The following BMPR1B variants were observed in gnomAD, a reference collection of about 807,000 sequenced individuals.
BMPR1B encodes the protein bone morphogenetic protein receptor type 1B.
Under a neutral mutation model 59.1 loss-of-function variants are expected in BMPR1B, and 12 were observed. That is an observed-to-expected ratio of 0.20 (90% CI 0.13 to 0.33). BMPR1B has a LOEUF of 0.33. BMPR1B is among the 10% of genes least tolerant of loss of function. BMPR1B has a pLI of 1.00. For synonymous variants in BMPR1B, 237 were observed against 207.3 expected, an observed-to-expected ratio of 1.14 and a Z score of -1.23; for missense variants, 550 against 610.9, an observed-to-expected ratio of 0.90 and a Z score of 1.05.
At chr4:95,141,938 A>G (rs1734259204) in intron 10 of BMPR1B, among the ~76,000 whole-genome samples, 1 of 152,134 alleles carries the variant, frequency 6.6e-6, no homozygotes, top group African/African-American at 2.4e-5. Context: ...TGCTGATATG[A>G]TTCTTTTTAG....
chr4:94,972,157 A>G (rs530819199), intron 2 of BMPR1B, among the ~76,000 whole-genome samples: 47 of 151,726 alleles, frequency 3.1e-4, no homozygotes, highest in Non-Finnish European at 5.9e-4. Context: ...GTAAAGGAAA[A>G]CTATAATCAA....
chr4:94,950,930 A>G (rs1729908950), intron 2 of BMPR1B, among the ~76,000 whole-genome samples: 2 of 152,102 alleles, frequency 1.3e-5, no homozygotes, highest in South Asian at 4.1e-4. Context: ...ATGTTTTTCC[A>G]TTTGTTTGTG....
intron 3 of BMPR1B, among the ~76,000 whole-genome samples, chr4:94,999,498 A>G (rs2149107310): frequency 6.6e-6 from 1 of 152,136 alleles, no homozygotes; most frequent in South Asian, 2.1e-4. Context: ...TATTTGGGTA[A>G]CAAGAGTCAA....
At chr4:94,769,207 C>T (rs1319251719) in intron 1 of BMPR1B, among the ~76,000 whole-genome samples, 1 of 152,166 alleles carries the variant, frequency 6.6e-6, no homozygotes, top group African/African-American at 2.4e-5. Flanking sequence ...TAATGTCTTT[C>T]TTACAAATGG....
chr4:95,049,444 T>G (rs1726289127), intron 3 of BMPR1B, among the ~76,000 whole-genome samples: 2 of 49,654 alleles, frequency 4.0e-5, no homozygotes, highest in African/African-American at 6.2e-5. Context: ...TTTTTTTTTT[T>G]TTTTTTTTTT....
chr4:95,039,207 T>G (rs899724388), intron 3 of BMPR1B, among the ~76,000 whole-genome samples: 2 of 152,206 alleles, frequency 1.3e-5, no homozygotes, highest in African/African-American at 4.8e-5. Context: ...TCACTAAAGT[T>G]CGTCCTCTTT....
At chr4:94,767,560 T>C (rs1248318191) in intron 1 of BMPR1B, among the ~76,000 whole-genome samples, 1 of 152,176 alleles carries the variant, frequency 6.6e-6, no homozygotes, top group Admixed American at 6.5e-5. Flanking sequence ...ATCACTCCTT[T>C]AAATACTTAT....
In BMPR1B at chr4:94,930,783, A is replaced by G. The variant is rs142348121; in HGVS notation, c.-113+54883A>G. 9.8e-5 allele frequency among the ~76,000 whole-genome samples: 15 copies of G among 152,300 alleles called. No individual in the cohort carries two copies. The East Asian group carries it at 2.3e-3, about 24-fold the overall frequency. On this transcript the variant is annotated intron_variant, in intron 2 of 12. Coordinates refer to ENST00000515059, the MANE Select transcript of BMPR1B (RefSeq NM_001203.3). Reference sequence around the variant, plus strand: ...AATTAAATGTTTATCTCAAGTGACTATCTCTTGAAGATATATCATAGAAAT... The same window carrying G: ...AATTAAATGTTTATCTCAAGTGACTGTCTCTTGAAGATATATCATAGAAAT...
intron 2 of BMPR1B, among the ~76,000 whole-genome samples, chr4:94,890,487 T>C (rs1727347193): frequency 6.6e-6 from 1 of 152,132 alleles, no homozygotes; most frequent in Admixed American, 6.6e-5. Context: ...GTAAATTACA[T>C]GAGTGTAATT....
intron 1 of BMPR1B, among the ~76,000 whole-genome samples, chr4:94,813,321 G>C (rs1386510427): frequency 6.6e-6 from 1 of 152,182 alleles, no homozygotes. Context: ...AAAAAATCGA[G>C]AACGGCCACT....
intron 3 of BMPR1B, 178 bp from the exon 4 acceptor site, chr4:95,104,230 G>A (rs1267820517): frequency 1.5e-6 from 1 of 671,926 alleles, no homozygotes; most frequent in African/African-American, 1.8e-5. Flanking sequence ...TCTGTATGAG[G>A]TGTATACTAG....
intron 2 of BMPR1B, among the ~76,000 whole-genome samples, chr4:94,949,175 C>T (rs1729832883): frequency 6.6e-6 from 1 of 152,094 alleles, no homozygotes; most frequent in Non-Finnish European, 1.5e-5. Flanking sequence ...TCCCTGTGCC[C>T]ATATGTTCTC....
At chr4:95,057,182 G>A (rs1221438753) in intron 3 of BMPR1B, among the ~76,000 whole-genome samples, 1 of 152,066 alleles carries the variant, frequency 6.6e-6, no homozygotes, top group Non-Finnish European at 1.5e-5. Flanking sequence ...GACTCAAAAT[G>A]GTGGCTGCAG....
chr4:94,973,740 C>T (rs1044371067), intron 2 of BMPR1B, among the ~76,000 whole-genome samples: 2 of 152,138 alleles, frequency 1.3e-5, no homozygotes, highest in African/African-American at 4.8e-5. Flanking sequence ...AATTTCTCTG[C>T]CTCCGTCCCT....
At chr4:95,000,236 A>G (rs1040996856) in intron 3 of BMPR1B, among the ~76,000 whole-genome samples, 2 of 32,410 alleles carry the variant, frequency 6.2e-5, no homozygotes, top group African/African-American at 2.1e-4. Flanking sequence ...TGTTTGTTTA[A>G]CCTTGAATTG....
intron 6 of BMPR1B, among the ~76,000 whole-genome samples, chr4:95,118,462 G>A (rs1202794389): frequency 6.6e-6 from 1 of 152,044 alleles, no homozygotes; most frequent in Non-Finnish European, 1.5e-5. Flanking sequence ...AACAGTCCTG[G>A]CATTTTAAGC....
chr4:94,886,861 G>A (rs1727188176), intron 2 of BMPR1B, among the ~76,000 whole-genome samples: 1 of 152,164 alleles, frequency 6.6e-6, no homozygotes, highest in Non-Finnish European at 1.5e-5. Flanking sequence ...TTAAGGAACA[G>A]TTGGAGAGAC....
intron 2 of BMPR1B, among the ~76,000 whole-genome samples, chr4:94,954,228 G>A (rs962990500): frequency 6.6e-6 from 1 of 152,020 alleles, no homozygotes. Context: ...TTTATTCCTT[G>A]GAGCCCAGAA....
intron 3 of BMPR1B, among the ~76,000 whole-genome samples, chr4:95,068,996 T>C (rs1194351511): frequency 6.6e-6 from 1 of 152,224 alleles, no homozygotes; most frequent in Non-Finnish European, 1.5e-5. Context: ...CACTTCACTA[T>C]AGTGACATGT....
Sources: allele counts gnomAD v4.1 joint callset (sites outside exome capture counted in the v4.1 genomes callset), GRCh38; gene constraint gnomAD v4.1.1; transcripts MANE v1.5; gene names NCBI Gene and HGNC (gene_info 2026-07-23, HGNC 2026-07-21).